Variants in PTPRG observed in about 807,000 individuals in gnomAD.
The protein encoded by PTPRG is protein tyrosine phosphatase receptor type G.
A neutral mutation model predicts 165.3 loss-of-function variants in PTPRG; 102 were observed. The ratio of observed to expected loss-of-function variants is 0.62; its 90% CI spans 0.53 to 0.73. The LOEUF is 0.73. Ranked by LOEUF, PTPRG falls within the 30% of genes least tolerant of loss-of-function variation. The pLI is 0.00. For missense variants in PTPRG, 1,866 were observed against 1,861.4 expected (o/e 1.00, Z -0.05); for synonymous variants, 675 against 669.5 (o/e 1.01, Z -0.13).
intron 17 of PTPRG, among the ~76,000 whole-genome samples, chr3:62,265,372 C>A (rs762682930): frequency 6.6e-6 from 1 of 151,900 alleles, no homozygotes; most frequent in Non-Finnish European, 1.5e-5. Flanking sequence ...TATTTTATTC[C>A]ATTTGATCCT....
intron 1 of PTPRG, among the ~76,000 whole-genome samples, chr3:61,729,893 A>G (rs1348313072): frequency 6.6e-6 from 1 of 152,254 alleles, no homozygotes; most frequent in African/African-American, 2.4e-5. Context: ...AAAGCAATAA[A>G]TGCCATTAAA....
At chr3:61,850,681 A>T (rs914634657) in intron 2 of PTPRG, among the ~76,000 whole-genome samples, 2 of 152,056 alleles carry the variant, frequency 1.3e-5, no homozygotes. Flanking sequence ...CTAGATGTTT[A>T]TATTGTTTAT....
chr3:62,141,175 A>G (rs1045419460), intron 6 of PTPRG, among the ~76,000 whole-genome samples: 17 of 152,222 alleles, frequency 1.1e-4, no homozygotes, highest in African/African-American at 4.1e-4. Context: ...ATATGAATGC[A>G]GGAACTCTCA....
intron 1 of PTPRG, among the ~76,000 whole-genome samples, chr3:61,612,213 T>A (rs1701190593): frequency 6.6e-6 from 1 of 152,196 alleles, no homozygotes; most frequent in East Asian, 1.9e-4. Flanking sequence ...CCCAAAGTGC[T>A]GGGATTACAG....
At chr3:61,936,532 G>C (rs372521355) in intron 2 of PTPRG, among the ~76,000 whole-genome samples, 1 of 152,156 alleles carries the variant, frequency 6.6e-6, no homozygotes. Flanking sequence ...CCCCCTACCC[G>C]CCCCCTACTG....
intron 1 of PTPRG, 103 bp downstream of exon 1, chr3:61,562,475 G>A: frequency 9.1e-7 from 1 of 1,096,056 alleles, no homozygotes. Context: ...GGGAGACCCT[G>A]GAGAGGGTGG....
intron 4 of PTPRG, among the ~76,000 whole-genome samples, chr3:62,055,565 A>T (rs1409637741): frequency 6.6e-6 from 1 of 152,180 alleles, no homozygotes; most frequent in Admixed American, 6.5e-5. Flanking sequence ...ACAAATTATC[A>T]CAAGCTAAGT....
intron 2 of PTPRG, among the ~76,000 whole-genome samples, chr3:61,814,354 A>G (rs762545154): frequency 5.3e-5 from 8 of 152,180 alleles, no homozygotes; most frequent in Non-Finnish European, 8.8e-5. Context: ...TAACCACTGG[A>G]GTATTCCACT....
In PTPRG at chr3:61,589,429, G is replaced by C. The variant is rs562926222; in HGVS notation, c.85+27057G>C. On this transcript the variant is annotated intron_variant, in intron 1 of 29. Transcript: ENST00000474889. The stretch of plus-strand genomic sequence containing the variant: ...TTTGCCCCAAACCCATGAGATACAA[G>C]GGTCTTCTCAGATATCTGCTTCTAA... 5.9e-5 allele frequency among the ~76,000 whole-genome samples: 9 copies of C among 152,266 alleles called. No individual in the cohort carries two copies. The South Asian group carries it at 1.9e-3, about 32-fold the overall frequency.
chr3:62,258,809 T>G (rs531156417), intron 16 of PTPRG, among the ~76,000 whole-genome samples: 5 of 152,322 alleles, frequency 3.3e-5, no homozygotes, highest in South Asian at 2.1e-4. Flanking sequence ...TGAGCTAACT[T>G]CAACCTCATT....
chr3:62,036,827 C>T (rs1043943071), intron 4 of PTPRG, among the ~76,000 whole-genome samples: 1 of 152,166 alleles, frequency 6.6e-6, no homozygotes, highest in African/African-American at 2.4e-5. Context: ...GATTAAATGG[C>T]CATGAGCAAA....
At chr3:62,168,224 T>G in intron 8 of PTPRG, 61 bp downstream of exon 8, 1 of 1,462,146 alleles carries the variant, frequency 6.8e-7, no homozygotes, top group Admixed American at 2.3e-5. Flanking sequence ...TACTTTAAAT[T>G]AAAAGGAATT....
intron 4 of PTPRG, among the ~76,000 whole-genome samples, chr3:62,074,495 A>G (rs1376932649): frequency 2.0e-5 from 3 of 151,272 alleles, no homozygotes; most frequent in Non-Finnish European, 4.4e-5. Flanking sequence ...AGGTGGGACT[A>G]CACTCACCAC....
chr3:62,102,985 A>G (rs1461039696), intron 5 of PTPRG, among the ~76,000 whole-genome samples: 3 of 152,240 alleles, frequency 2.0e-5, no homozygotes, highest in African/African-American at 7.2e-5. Context: ...ACTAAAAATC[A>G]GAAGTTAAAT....
chr3:61,863,196 C>T (rs1251899191), intron 2 of PTPRG, among the ~76,000 whole-genome samples: 1 of 152,174 alleles, frequency 6.6e-6, no homozygotes, highest in Non-Finnish European at 1.5e-5. Flanking sequence ...ACGGGGCTTC[C>T]CCCTCTTTGA....
chr3:62,223,430 A>G (rs1700692854), intron 13 of PTPRG, among the ~76,000 whole-genome samples: 1 of 152,252 alleles, frequency 6.6e-6, no homozygotes, highest in Non-Finnish European at 1.5e-5. Flanking sequence ...TATAAAGCAC[A>G]GATTTACATA....
intron 2 of PTPRG, among the ~76,000 whole-genome samples, chr3:61,840,676 G>A (rs2036601454): frequency 6.6e-6 from 1 of 151,838 alleles, no homozygotes; most frequent in Admixed American, 6.6e-5. Context: ...TTTTACCTTT[G>A]GAGTTTATAT....
At chr3:61,620,007 C>T (rs974662774) in intron 1 of PTPRG, among the ~76,000 whole-genome samples, 1 of 152,164 alleles carries the variant, frequency 6.6e-6, no homozygotes, top group Non-Finnish European at 1.5e-5. Context: ...TGAAGATTGG[C>T]TGTGTAGAGC....
intron 1 of PTPRG, among the ~76,000 whole-genome samples, chr3:61,669,580 C>T (rs564789536): frequency 1.3e-5 from 2 of 152,272 alleles, no homozygotes; most frequent in African/African-American, 4.8e-5. Flanking sequence ...TATGACTGGA[C>T]CCCCGTGCCT....
Sources: gnomAD v4.1 joint callset for allele counts (sites outside exome capture counted in the v4.1 genomes callset) on GRCh38, gnomAD v4.1.1 for gene constraint, MANE v1.5 for transcripts, NCBI Gene and HGNC (gene_info 2026-07-23, HGNC 2026-07-21) for gene names.